ZNF385B: variants seen among roughly 807,000 people sequenced by gnomAD.
ZNF385B encodes the protein zinc finger protein 533.
A neutral mutation model predicts 39.2 loss-of-function variants in ZNF385B; 23 were observed. The ratio of observed to expected loss-of-function variants is 0.59; its 90% CI spans 0.42 to 0.83. The LOEUF is 0.83. ZNF385B is among the 40% of genes least tolerant of loss of function. ZNF385B has a pLI of 0.00. For missense variants in ZNF385B, 552 were observed against 598.9 expected, an observed-to-expected ratio of 0.92 and a Z score of 0.82; for synonymous variants, 205 against 222.6, an observed-to-expected ratio of 0.92 and a Z score of 0.70.
At chr2:179,709,123 T>C (rs978927422) in intron 3 of ZNF385B, among the ~76,000 whole-genome samples, 3 of 152,212 alleles carry the variant, frequency 2.0e-5, no homozygotes, top group African/African-American at 7.2e-5. Flanking sequence ...TGAACCTTTA[T>C]CATCTTGCCC....
intron 1 of ZNF385B, among the ~76,000 whole-genome samples, chr2:179,790,132 C>G (rs528796671): frequency 1.3e-5 from 2 of 152,242 alleles, no homozygotes; most frequent in South Asian, 2.1e-4. Flanking sequence ...TGAGAAAACT[C>G]CCTGAGGTGT....
chr2:179,740,439 C>T (rs1001656099), intron 3 of ZNF385B, among the ~76,000 whole-genome samples: 1 of 152,120 alleles, frequency 6.6e-6, no homozygotes, highest in African/African-American at 2.4e-5. Flanking sequence ...ATTCAATTGC[C>T]ATTTGCCAAG....
At chr2:179,651,809 C>T (rs1183473537) in intron 3 of ZNF385B, among the ~76,000 whole-genome samples, 1 of 152,096 alleles carries the variant, frequency 6.6e-6, no homozygotes, top group Non-Finnish European at 1.5e-5. Flanking sequence ...AAAGTCAGAG[C>T]TAAGGTATGA....
chr2:179,728,332 T>C (rs1461549094), intron 3 of ZNF385B, among the ~76,000 whole-genome samples: 1 of 152,134 alleles, frequency 6.6e-6, no homozygotes, highest in Non-Finnish European at 1.5e-5. Flanking sequence ...CCAGCAAAAG[T>C]GGCTCTTAAA....
intron 1 of ZNF385B, among the ~76,000 whole-genome samples, chr2:179,784,040 C>G (rs558901230): frequency 3.9e-5 from 6 of 152,106 alleles, no homozygotes; most frequent in Non-Finnish European, 7.4e-5. Flanking sequence ...CACTGCAACA[C>G]TATTCACAAT....
chr2:179,550,118 T>G (rs1203377712), intron 3 of ZNF385B, among the ~76,000 whole-genome samples: 1 of 149,606 alleles, frequency 6.7e-6, no homozygotes, highest in Non-Finnish European at 1.5e-5. Flanking sequence ...ATTTCTTATG[T>G]TAGCCCAATG....
intron 3 of ZNF385B, among the ~76,000 whole-genome samples, chr2:179,630,328 G>A (rs961454290): frequency 6.6e-6 from 1 of 152,200 alleles, no homozygotes; most frequent in African/African-American, 2.4e-5. Flanking sequence ...GGAAGGATCA[G>A]GCAGCAATAT....
chr2:179,571,936 C>T (rs1290278879), intron 3 of ZNF385B, among the ~76,000 whole-genome samples: 3 of 152,034 alleles, frequency 2.0e-5, no homozygotes, highest in East Asian at 1.9e-4. Flanking sequence ...AAGTTGATGC[C>T]CTAATGGCCC....
At chr2:179,858,609 T>A (rs1684784142) in intron 1 of ZNF385B, among the ~76,000 whole-genome samples, 2 of 151,774 alleles carry the variant, frequency 1.3e-5, no homozygotes, top group South Asian at 4.2e-4. Context: ...AAAGACCATA[T>A]TGAGACACAG....
chr2:179,727,054 G>A (rs1341812363), intron 3 of ZNF385B, among the ~76,000 whole-genome samples: 2 of 151,936 alleles, frequency 1.3e-5, no homozygotes, highest in Non-Finnish European at 2.9e-5. Flanking sequence ...GTAGAGTTCC[G>A]TGTGTGTGTT....
intron 5 of ZNF385B, among the ~76,000 whole-genome samples, chr2:179,503,134 C>G (rs1474789031): frequency 6.6e-6 from 1 of 152,170 alleles, no homozygotes; most frequent in Non-Finnish European, 1.5e-5. Flanking sequence ...CTCAGCTTCC[C>G]CAAGTGTTGG....
chr2:179,714,844 A>C (rs535074199), intron 3 of ZNF385B, among the ~76,000 whole-genome samples: 37 of 150,560 alleles, frequency 2.5e-4, no homozygotes, highest in African/African-American at 8.8e-4. Context: ...CCAGCTACTC[A>C]GCAGGCTGAG....
intron 3 of ZNF385B, among the ~76,000 whole-genome samples, chr2:179,559,381 C>T (rs1484048475): frequency 6.6e-6 from 1 of 152,070 alleles, no homozygotes; most frequent in East Asian, 1.9e-4. Flanking sequence ...TCTTGAAACT[C>T]TGCCATTCTC....
intron 3 of ZNF385B, among the ~76,000 whole-genome samples, chr2:179,683,185 C>T (rs878946909): frequency 2.0e-5 from 3 of 151,474 alleles, no homozygotes; most frequent in Non-Finnish European, 4.4e-5. Context: ...GTCAAGAGTT[C>T]GAAACCAGCC....
chr2:179,489,563 A>T (rs1423767570), intron 5 of ZNF385B, among the ~76,000 whole-genome samples: 2 of 152,232 alleles, frequency 1.3e-5, no homozygotes, highest in African/African-American at 4.8e-5. Context: ...CATACTAAGA[A>T]ACTAAAGTTT....
rs145555092 is a variant in ZNF385B, at chr2:179,543,097, C to T, written c.441+1730G>A. Among the ~76,000 whole-genome samples, 460 of 152,178 alleles carry T rather than the reference C, an allele frequency of 3.0e-3. 8 individuals are homozygous for T. The East Asian group carries it at 0.057, about 19-fold the overall frequency. ...GAACAGCCTGGCCAACATGGCGAAA[C>T]CCTGTCTCTATTAAAAACACAAAAA... On this transcript the variant is annotated intron_variant, in intron 4 of 9. Transcript: ENST00000410066.
intron 3 of ZNF385B, among the ~76,000 whole-genome samples, chr2:179,626,568 A>G (rs1234402450): frequency 2.6e-5 from 4 of 152,192 alleles, no homozygotes; most frequent in South Asian, 4.1e-4. Flanking sequence ...TAGTGTCTGC[A>G]GATTGTAAAA....
rs80096834 is a variant in ZNF385B at position 179,766,331 on chromosome 2, C to T, written c.298+3172G>A. ...CAGTTCTTGGGAAGAACATCTACTA[C>T]CACATATTTTTCTCTGTGGGCATGA... is the stretch of plus-strand genomic sequence containing the variant. On this transcript the variant is annotated intron_variant, in intron 3 of 9. Transcript: ENST00000410066. 3.6e-3 allele frequency among the ~76,000 whole-genome samples: 546 copies of T among 152,168 alleles called. 3 individuals are homozygous for T. The highest frequency in any genetic ancestry group is 0.025 in the South Asian group (120 of 4,802).
intron 3 of ZNF385B, among the ~76,000 whole-genome samples, chr2:179,667,398 C>A (rs1695304650): frequency 6.6e-6 from 1 of 152,102 alleles, no homozygotes; most frequent in Non-Finnish European, 1.5e-5. Flanking sequence ...AAAACTTAGT[C>A]TCCCTCCCCC....
Sources: allele counts gnomAD v4.1 joint callset (sites outside exome capture counted in the v4.1 genomes callset), GRCh38; gene constraint gnomAD v4.1.1; transcripts MANE v1.5; gene names NCBI Gene and HGNC (gene_info 2026-07-23, HGNC 2026-07-21).